The following SAMD12 variants were observed in gnomAD, a reference collection of about 807,000 sequenced individuals.
The protein encoded by SAMD12 is sterile alpha motif domain-containing protein 12.
Under a neutral mutation model 15.0 loss-of-function variants are expected in SAMD12, and 9 were observed. The ratio of observed to expected loss-of-function variants is 0.60; its 90% CI spans 0.36 to 1.05. SAMD12 has a LOEUF of 1.05. Ranked by LOEUF, SAMD12 falls within the 50% of genes least tolerant of loss-of-function variation. The pLI, the probability that SAMD12 is intolerant of heterozygous loss-of-function variation, is 0.01. For missense variants in SAMD12, 230 were observed against 234.2 expected, an observed-to-expected ratio of 0.98 and a Z score of 0.12; for synonymous variants, 86 against 90.1, an observed-to-expected ratio of 0.96 and a Z score of 0.25.
At chr8:118,465,679 TG>T (rs138701314) in intron 2 of SAMD12, among the ~76,000 whole-genome samples, 5,163 of 152,256 alleles carry the variant, frequency 0.034, 242 homozygotes, top group African/African-American at 0.098. Context: ...TTATGTTAAA[TG>T]GAATAGTTTT....
chr8:118,374,638 C>T (rs566678234), downstream of SAMD12, among the ~76,000 whole-genome samples: 1 of 152,216 alleles, frequency 6.6e-6, no homozygotes, highest in South Asian at 2.1e-4. Context: ...TTCTTGCCAA[C>T]ACTAGTTATT....
chr8:118,568,229 G>T (rs566922819), intron 2 of SAMD12, among the ~76,000 whole-genome samples: 1 of 152,094 alleles, frequency 6.6e-6, no homozygotes, highest in Non-Finnish European at 1.5e-5. Flanking sequence ...GAAATGAAGG[G>T]GTGCACCTTG....
At chr8:118,132,246 T>G in the SAMD12 span, among the ~76,000 whole-genome samples, 1 of 152,220 alleles carries the variant, frequency 6.6e-6, no homozygotes, top group African/African-American at 2.4e-5. Flanking sequence ...CCTGTGGATA[T>G]ATACATTATG....
intron 4 of SAMD12, among the ~76,000 whole-genome samples, chr8:118,218,072 A>C (rs936733292): frequency 6.6e-6 from 1 of 152,154 alleles, no homozygotes; most frequent in Non-Finnish European, 1.5e-5. Flanking sequence ...AAGTTCTGCA[A>C]CACCCAAGTT....
chr8:118,468,495 C>T (rs1005806222), intron 2 of SAMD12, among the ~76,000 whole-genome samples: 5 of 152,130 alleles, frequency 3.3e-5, no homozygotes, highest in African/African-American at 1.2e-4. Flanking sequence ...CACGGTTCTT[C>T]AGAGAGCTCT....
chr8:118,331,983 A>G (rs954035088), intron 4 of SAMD12, among the ~76,000 whole-genome samples: 2 of 152,214 alleles, frequency 1.3e-5, no homozygotes, highest in Non-Finnish European at 1.5e-5. Flanking sequence ...ACCTGATAGT[A>G]ACTATCAGAG....
At chr8:118,450,293 G>A (rs1823039898) in intron 2 of SAMD12, among the ~76,000 whole-genome samples, 1 of 152,146 alleles carries the variant, frequency 6.6e-6, no homozygotes, top group Non-Finnish European at 1.5e-5. Flanking sequence ...CGTCCTGGCA[G>A]CCTGGATGGC....
At chr8:118,239,285 T>C (rs1812513634) in intron 4 of SAMD12, among the ~76,000 whole-genome samples, 1 of 152,148 alleles carries the variant, frequency 6.6e-6, no homozygotes, top group Non-Finnish European at 1.5e-5. Flanking sequence ...GCACTAGGAA[T>C]ATAGTAGTAA....
At chr8:118,516,373 T>G (rs2131079795) in intron 2 of SAMD12, among the ~76,000 whole-genome samples, 1 of 152,342 alleles carries the variant, frequency 6.6e-6, no homozygotes, top group South Asian at 2.1e-4. Flanking sequence ...TTTGTATAAC[T>G]TTTTTGGACA....
At chr8:118,437,509 G>T (rs751393319) in intron 3 of SAMD12, among the ~76,000 whole-genome samples, 2 of 152,136 alleles carry the variant, frequency 1.3e-5, no homozygotes, top group Non-Finnish European at 2.9e-5. Flanking sequence ...GTCAAGAAAT[G>T]GTTAGCTTAG....
Position 118,439,973 on chromosome 8 carries a change from G to A in SAMD12, c.193-12C>T, listed in dbSNP as rs773160534. 19 of 1,613,194 alleles carry A rather than the reference G, an allele frequency of 1.2e-5. No individual in the cohort carries two copies. In the African/African-American group the frequency reaches 2.1e-4, roughly 18 times the overall value. On this transcript the variant is annotated splice_polypyrimidine_tract_variant and intron_variant, in intron 2 of 3. Coordinates refer to ENST00000314727, the MANE Select transcript of SAMD12 (RefSeq NM_207506.3). The stretch of plus-strand genomic sequence containing the variant: ...TTCACCGTAGCTGACTATAAATAAA[G>A]AAGGAAGATCTGTCAATGCTGGCCC...
At chr8:118,551,041 G>A (rs1272945131) in intron 2 of SAMD12, among the ~76,000 whole-genome samples, 3 of 152,186 alleles carry the variant, frequency 2.0e-5, no homozygotes, top group Admixed American at 1.3e-4. Context: ...AGTCCTGAGT[G>A]ACCTACAAGG....
At chr8:118,320,820 A>AATATAT (rs556901289) in intron 4 of SAMD12, among the ~76,000 whole-genome samples, 5 of 123,046 alleles carry the variant, frequency 4.1e-5, no homozygotes, top group African/African-American at 1.1e-4. Flanking sequence ...GTATAATAAA[A>AATATAT]ATATATATAT....
At chr8:118,578,826 C>T (rs1202765954) in intron 2 of SAMD12, among the ~76,000 whole-genome samples, 1 of 152,150 alleles carries the variant, frequency 6.6e-6, no homozygotes, top group Non-Finnish European at 1.5e-5. Flanking sequence ...CTGTTCACCC[C>T]TAAATATGAT....
intron 2 of SAMD12, among the ~76,000 whole-genome samples, chr8:118,447,760 A>G (rs968940149): frequency 7.2e-6 from 1 of 139,242 alleles, no homozygotes; most frequent in Non-Finnish European, 1.5e-5. Flanking sequence ...GAGTCTCACT[A>G]TGTTGCCCAA....
intron 3 of SAMD12, among the ~76,000 whole-genome samples, chr8:118,439,424 A>G (rs1822667033): frequency 1.3e-5 from 2 of 152,190 alleles, no homozygotes; most frequent in Non-Finnish European, 2.9e-5. Context: ...AAAGAAGTCA[A>G]TATACTTTAT....
chr8:118,182,775 C>T, the SAMD12 span, among the ~76,000 whole-genome samples: 48 of 151,966 alleles, frequency 3.2e-4, no homozygotes, highest in African/African-American at 1.5e-4. Flanking sequence ...ATTTTGAGAG[C>T]GACAGCACAA....
At chr8:118,213,154 G>A (rs987756825) in intron 4 of SAMD12, among the ~76,000 whole-genome samples, 2 of 152,186 alleles carry the variant, frequency 1.3e-5, no homozygotes, top group African/African-American at 2.4e-5. Context: ...TCCTATGTCA[G>A]ATGGCTGCAA....
At chr8:118,358,818 T>C (rs948820782) in intron 4 of SAMD12, among the ~76,000 whole-genome samples, 4 of 152,288 alleles carry the variant, frequency 2.6e-5, no homozygotes, top group Admixed American at 2.0e-4. Flanking sequence ...TTCAGAGTAG[T>C]ATATGGATAC....
Sources: gnomAD v4.1 joint callset for allele counts (sites outside exome capture counted in the v4.1 genomes callset) on GRCh38, gnomAD v4.1.1 for gene constraint, MANE v1.5 for transcripts, NCBI Gene and HGNC (gene_info 2026-07-23, HGNC 2026-07-21) for gene names.